Variants in UBE2E2 observed in about 807,000 individuals in gnomAD.
The protein encoded by UBE2E2 is ubiquitin conjugating enzyme E2 E2.
UBE2E2 carries 6 observed loss-of-function variants against 24.7 expected under a neutral mutation model. That is an observed-to-expected ratio of 0.24 (90% CI 0.13 to 0.48). The LOEUF (loss-of-function observed/expected upper bound fraction) is 0.48. Among genes scored for constraint, UBE2E2 ranks in the 20% least tolerant of loss-of-function variants. The pLI is 0.99. For synonymous variants in UBE2E2, 104 were observed against 83.6 expected (o/e 1.24, Z -1.33); for missense variants, 169 against 245.0 (o/e 0.69, Z 2.07).
intron 3 of UBE2E2, among the ~76,000 whole-genome samples, chr3:23,373,427 G>A (rs1320267180): frequency 6.6e-6 from 1 of 152,028 alleles, no homozygotes; most frequent in African/African-American, 2.4e-5. Context: ...TCCTCTCCTG[G>A]TCTGTAGTTC....
In UBE2E2 at chr3:23,407,527, C is replaced by G. The variant is rs531302453; in HGVS notation, c.228-92081C>G. Among the ~76,000 whole-genome samples, 25 of 152,214 alleles carry G rather than the reference C, an allele frequency of 1.6e-4. No homozygotes were observed. The highest frequency in any genetic ancestry group is 1.6e-3 in the Admixed American group (24 of 15,254). On this transcript the variant is annotated intron_variant, in intron 3 of 5. Coordinates refer to ENST00000396703, the MANE Select transcript of UBE2E2 (RefSeq NM_152653.4). This position sits in a 1 kb window ranked among gnomAD's most constrained non-coding sequence, Gnocchi z 4.0. ...GCTCCCGTACTCATCCCTCTTCTTT[C>G]ACTACCGTCAACATTTGCTACATCC...
chr3:23,510,224 A>G (rs565271152), intron 4 of UBE2E2, among the ~76,000 whole-genome samples: 1 of 152,342 alleles, frequency 6.6e-6, no homozygotes, highest in African/African-American at 2.4e-5. Context: ...AGATAGGACC[A>G]CCTGTCCTTT....
intron 3 of UBE2E2, among the ~76,000 whole-genome samples, chr3:23,424,122 C>A (rs1455837008): frequency 6.6e-6 from 1 of 152,100 alleles, no homozygotes; most frequent in African/African-American, 2.4e-5. Context: ...TACTAAATTC[C>A]ACAGTTATTT....
chr3:23,275,859 A>G (rs1228353481), intron 3 of UBE2E2, among the ~76,000 whole-genome samples: 1 of 152,066 alleles, frequency 6.6e-6, no homozygotes, highest in East Asian at 1.9e-4. Context: ...AATAGAATAT[A>G]TGTTGCCCAG....
intron 3 of UBE2E2, among the ~76,000 whole-genome samples, chr3:23,255,103 T>A (rs1366621551): frequency 1.5e-5 from 2 of 134,510 alleles, no homozygotes; most frequent in Non-Finnish European, 1.6e-5. Context: ...TTTTTTTTTT[T>A]TGAGACAGGG....
At chr3:23,362,736 G>A (rs1393153171) in intron 3 of UBE2E2, among the ~76,000 whole-genome samples, 1 of 152,022 alleles carries the variant, frequency 6.6e-6, no homozygotes, top group Non-Finnish European at 1.5e-5. Context: ...CTTTGTCCTG[G>A]GAAACACCTG....
intron 3 of UBE2E2, among the ~76,000 whole-genome samples, chr3:23,234,120 G>C (rs1697037728): frequency 6.6e-6 from 1 of 151,934 alleles, no homozygotes. Context: ...CTTGGGTGTG[G>C]GTTGGTGAAC....
At chr3:23,273,624 T>C (rs1698309888) in intron 3 of UBE2E2, among the ~76,000 whole-genome samples, 1 of 152,166 alleles carries the variant, frequency 6.6e-6, no homozygotes, top group Non-Finnish European at 1.5e-5. Context: ...TTTCATTATA[T>C]ATGGTTTTGC....
intron 5 of UBE2E2, among the ~76,000 whole-genome samples, chr3:23,543,913 A>G (rs957697695): frequency 4.6e-5 from 7 of 152,070 alleles, no homozygotes; most frequent in African/African-American, 1.7e-4. Context: ...AATAAAGCCA[A>G]ATACAGCCAA....
chr3:23,579,335 A>G (rs1696417392), intron 5 of UBE2E2, among the ~76,000 whole-genome samples: 1 of 151,432 alleles, frequency 6.6e-6, no homozygotes, highest in African/African-American at 2.4e-5. Flanking sequence ...CAGTGAGCCA[A>G]GATCGTGCCA....
intron 3 of UBE2E2, among the ~76,000 whole-genome samples, chr3:23,496,762 C>T (rs13062619): frequency 6.6e-6 from 1 of 152,054 alleles, no homozygotes; most frequent in Non-Finnish European, 1.5e-5. Context: ...GTAAAAGTTT[C>T]TCTGTAGTGT....
chr3:23,204,413 T>C (rs1223284973), intron 1 of UBE2E2, among the ~76,000 whole-genome samples: 1 of 152,230 alleles, frequency 6.6e-6, no homozygotes, highest in East Asian at 1.9e-4. Flanking sequence ...AAAATATTTT[T>C]ATTTAAAAGT....
chr3:23,367,742 C>A (rs1696299154), intron 3 of UBE2E2, among the ~76,000 whole-genome samples: 1 of 152,002 alleles, frequency 6.6e-6, no homozygotes. Flanking sequence ...TTCTGGAGAC[C>A]CAGACTTGTG....
At chr3:23,556,766 T>C (rs1695799226) in intron 5 of UBE2E2, among the ~76,000 whole-genome samples, 1 of 152,156 alleles carries the variant, frequency 6.6e-6, no homozygotes, top group African/African-American at 2.4e-5. Context: ...CCAACAAAAT[T>C]TATATTTTAA....
intron 4 of UBE2E2, among the ~76,000 whole-genome samples, chr3:23,505,079 T>TG (rs1491218384): frequency 3.1e-5 from 1 of 31,926 alleles, no homozygotes; most frequent in African/African-American, 2.0e-4. Context: ...CTAATTTTTG[T>TG]TTTTTTTTTT....
Position 23,224,961 on chromosome 3 carries a change from C to CTT in UBE2E2, c.227+7661_227+7662dup, listed in dbSNP as rs770984995. ...AACTTTGGCAGCACTTGATGTTGTC[C>CTT]TTTTTTTTTTTTTAATGATAGCTAT... On this transcript the variant is annotated intron_variant, in intron 3 of 5. Coordinates refer to ENST00000396703, the MANE Select transcript of UBE2E2 (RefSeq NM_152653.4). 6.3e-4 allele frequency among the ~76,000 whole-genome samples: 85 copies of CTT among 134,012 alleles called. 3 individuals carry two copies. In the East Asian group the frequency reaches 0.017, roughly 27 times the overall value. 87.9% of individuals were successfully genotyped at this position (134,012 alleles called of 152,430 possible).
chr3:23,234,957 A>T (rs949868804), intron 3 of UBE2E2, among the ~76,000 whole-genome samples: 3 of 152,170 alleles, frequency 2.0e-5, no homozygotes, highest in African/African-American at 7.2e-5. Context: ...AATATCTCCT[A>T]CTAGGTTAAG....
intron 3 of UBE2E2, among the ~76,000 whole-genome samples, chr3:23,351,545 C>T (rs1022356575): frequency 6.6e-6 from 1 of 152,100 alleles, no homozygotes; most frequent in Admixed American, 6.5e-5. Flanking sequence ...GAAGGTCTAC[C>T]AAGCAAATGG....
rs71974866 is a variant in UBE2E2, at chr3:23,407,647, ATG to A, written c.228-91919_228-91918del. Among the ~76,000 whole-genome samples the A allele has an allele frequency of 0.17, 23,283 of 137,672 alleles. 1,983 individuals carry two copies. Among genetic ancestry groups the A allele is most frequent in the Middle Eastern group, 0.28 (73 of 264 alleles). 90.3% of individuals were successfully genotyped at this position (137,672 alleles called of 152,430 possible). On this transcript the variant is annotated intron_variant, in intron 3 of 5. Coordinates refer to ENST00000396703, the MANE Select transcript of UBE2E2 (RefSeq NM_152653.4). The surrounding 1 kb of genome is among the most constrained non-coding windows in gnomAD (Gnocchi z 4.0). ...TGTGTGTTTGTGTGTGCATGCGTGC[ATG>A]TGTGTGTGTGTGTGTGTGTGTGTGT...
Sources: gnomAD v4.1 joint callset for allele counts (sites outside exome capture counted in the v4.1 genomes callset) on GRCh38, gnomAD v4.1.1 for gene constraint, Gnocchi (gnomAD v3.1) non-coding constraint, MANE v1.5 for transcripts, NCBI Gene and HGNC (gene_info 2026-07-23, HGNC 2026-07-21) for gene names.